Variants in SPTA1 observed in about 807,000 individuals in gnomAD.
SPTA1 encodes spectrin alpha, erythrocytic 1.
In SPTA1, 177 loss-of-function variants were observed where a neutral mutation model predicts 324.7. The ratio of observed to expected loss-of-function variants is 0.55; its 90% CI spans 0.48 to 0.62. The LOEUF is 0.62. Among genes scored for constraint, SPTA1 ranks in the 20% least tolerant of loss-of-function variants. SPTA1 has a pLI of 0.00. For missense variants in SPTA1, 3,162 were observed against 2,883.6 expected (o/e 1.10, Z -2.21); for synonymous variants, 1,195 against 1,041.3 (o/e 1.15, Z -2.84).
Position 158,644,370 on chromosome 1 carries a change from A to T in SPTA1, c.4221T>A (p.Val1407=). The stretch of plus-strand genomic sequence containing the variant: ...TCTCACGTGCCACCATCCAGCTCTC[A>T]ACTTGATCACAGTTCCCCTGGAACA... ...LQMFQGNCDQ[V]ESWMVARENS... is the part of the protein sequence containing the mutation. Residue 1407 remains valine (V), a synonymous_variant, in exon 30 of 52, where the codon GTT becomes GTA. Coordinates refer to ENST00000643759, the MANE Select transcript of SPTA1 (RefSeq NM_003126.4). 6.2e-7 allele frequency: 1 copy of T among 1,613,764 alleles called. No homozygotes were observed.
At chr1:158,680,874 A>T (rs889604637) in intron 4 of SPTA1, 145 bp from the exon 5 acceptor site, 5 of 1,063,638 alleles carry the variant, frequency 4.7e-6, no homozygotes, top group South Asian at 1.4e-5. Flanking sequence ...GGAAAAGGCC[A>T]GCAGCAGAAG....
rs533909383 is a variant in SPTA1 at position 158,623,144 on chromosome 1, C to T, written c.5959G>A (p.Glu1987Lys). 33 of 1,614,056 alleles carry T rather than the reference C, an allele frequency of 2.0e-5. No individual in the cohort carries two copies. The South Asian group carries it at 2.9e-4, about 14-fold the overall frequency. Residue 1987 changes from glutamate (E) to lysine (K), a missense_variant, in exon 43 of 52, where the codon GAG (glutamate) becomes AAG (lysine). By Grantham distance (56) the Glu-to-Lys change is moderately conservative. Transcript: ENST00000643759. The part of the protein sequence containing the change: ...LQSFQQERLP[E>K]ITDLKDKLIS... ...AGTTTGTCCTTCAGGTCAGTGATCT[C>T]GGGAAGTCTCTCTTGCTGGAAACTC...
At position 158,679,386 on chromosome 1, in the gene SPTA1, T is replaced by C. The variant is rs914945868; in HGVS notation, c.679-852A>G. Among the ~76,000 whole-genome samples the C allele has an allele frequency of 4.6e-5, 7 of 152,186 alleles. No individual in the cohort carries two copies. In the South Asian group the frequency reaches 6.2e-4, roughly 14 times the overall value. ...CCTTCAAAAGGTAGAGTATGTTTCC[T>C]CAAGTCTTGGATCTTGGATGGTCTT... On this transcript the variant is annotated intron_variant, in intron 5 of 51. Coordinates refer to ENST00000643759, the MANE Select transcript of SPTA1 (RefSeq NM_003126.4).
intron 16 of SPTA1, among the ~76,000 whole-genome samples, chr1:158,664,519 G>T (rs1185173625): frequency 2.0e-5 from 3 of 151,972 alleles, no homozygotes; most frequent in Non-Finnish European, 2.9e-5. Flanking sequence ...CACACACCGG[G>T]GCCTGTCGAG....
Position 158,651,412 on chromosome 1 carries a change from T to C in SPTA1, c.3432A>G (p.Leu1144=). The change falls in exon 24 of 52, where the codon CTA becomes CTG. Residue 1144 remains leucine (L), a synonymous_variant. Transcript: ENST00000643759. ...CTGGTGTTAGAAGTCCTTCAAATAG[T>C]AGATCATCAGCTACCTTGTTGATAT... ...LRDINKVADD[L]LFEGLLTPEG... 1.9e-6 allele frequency: 3 copies of C among 1,614,020 alleles called. No individual in the cohort carries two copies. The highest frequency in any genetic ancestry group is 1.3e-5 in the African/African-American group (1 of 75,036).
In SPTA1 at chr1:158,643,433, A is replaced by G. The variant is rs1571432049; in HGVS notation, c.4339-8T>C. ...GTCAGTGATCTTCCCTTCCTAAATA[A>G]AGGAAAAGGAAAGAGCCCAGATGCT... On this transcript the variant is annotated splice_polypyrimidine_tract_variant and splice_region_variant and intron_variant, in intron 30 of 51. Coordinates refer to ENST00000643759, the MANE Select transcript of SPTA1 (RefSeq NM_003126.4). 5 of 1,612,444 alleles carry G rather than the reference A, an allele frequency of 3.1e-6. No homozygotes were observed. The South Asian group carries it at 5.5e-5, about 18-fold the overall frequency.
Position 158,662,801 on chromosome 1 carries a change from G to A in SPTA1, c.2365C>T (p.Leu789Phe), listed in dbSNP as rs779283627. The change falls in exon 17 of 52, where the codon CTC (leucine) becomes TTC (phenylalanine). Residue 789 changes from leucine (L) to phenylalanine (F), a missense_variant. By Grantham distance (22) the Leu-to-Phe change is conservative. Transcript: ENST00000643759. ...KEPLATRKKKLLDLLHLQLIC... is the reference protein window; with the variant it reads ...KEPLATRKKKFLDLLHLQLIC... ...AGCTGCAGATGGAGAAGGTCTAAGA[G>A]CTTCTTCTTTCGGGTGGCCAGTGGC... The A allele has an allele frequency of 2.5e-6, 4 of 1,614,054 alleles. No homozygotes were observed. Among genetic ancestry groups the A allele is most frequent in the South Asian group, 2.2e-5 (2 of 91,080 alleles).
chr1:158,666,552 A>G (rs925550656), intron 15 of SPTA1, 55 bp from the exon 16 acceptor site: 169 of 1,432,960 alleles, frequency 1.2e-4, no homozygotes, highest in Non-Finnish European at 1.5e-4. Flanking sequence ...TCCTCTTTAC[A>G]CTATAATATA....
intron 45 of SPTA1, 140 bp downstream of exon 45, chr1:158,619,081 TA>T: frequency 1.2e-6 from 1 of 833,028 alleles, no homozygotes; most frequent in Non-Finnish European, 2.1e-6. Context: ...ACTCCAAATA[TA>T]AAGCATAGGC....
chr1:158,633,810 G>C (rs1400145889), intron 39 of SPTA1, among the ~76,000 whole-genome samples: 1 of 152,144 alleles, frequency 6.6e-6, no homozygotes, highest in Non-Finnish European at 1.5e-5. Context: ...CAAATAAGAT[G>C]AGCTGATAAT....
At chr1:158,662,563 A>T in intron 17 of SPTA1, 139 bp downstream of exon 17, 3 of 1,129,758 alleles carry the variant, frequency 2.7e-6, no homozygotes, top group Non-Finnish European at 3.8e-6. Context: ...TTTATGAAGG[A>T]CTGGACAAAT....
In SPTA1 at chr1:158,671,391, C is replaced by T; in HGVS notation, c.1551G>A (p.Lys517=). 1 of 1,613,546 alleles carries T rather than the reference C, an allele frequency of 6.2e-7. No individual in the cohort carries two copies. The highest frequency in any genetic ancestry group is 1.1e-5 in the South Asian group (1 of 91,052). The stretch of plus-strand genomic sequence containing the variant: ...TAAAGGCTTCCTCAAAGTCTTCATG[C>T]TTCTGAAGAAGGGCTTCTGCACTGC... ...SLGSAEALLQ[K]HEDFEEAFTA... The change falls in exon 12 of 52, where the codon AAG becomes AAA. Residue 517 remains lysine, a synonymous_variant. Coordinates refer to ENST00000643759, the MANE Select transcript of SPTA1 (RefSeq NM_003126.4).
intron 16 of SPTA1, among the ~76,000 whole-genome samples, chr1:158,666,038 A>G (rs1653571510): frequency 6.6e-6 from 1 of 152,106 alleles, no homozygotes; most frequent in East Asian, 1.9e-4. Context: ...ACCCCTGGCT[A>G]GATTGGAGGA....
chr1:158,672,228 G>T, intron 10 of SPTA1, 32 bp from the exon 11 acceptor site: 1 of 1,582,620 alleles, frequency 6.3e-7, no homozygotes, highest in Non-Finnish European at 8.6e-7. Context: ...GTATATGGAA[G>T]ATAATTAATT....
intron 1 of SPTA1, 141 bp downstream of exon 1, chr1:158,686,353 T>C: frequency 1.5e-6 from 1 of 646,666 alleles, no homozygotes; most frequent in Non-Finnish European, 2.7e-6. Flanking sequence ...TCACAAAAAA[T>C]AGTTAAAAGT....
chr1:158,613,376 A>G (rs188812306), intron 50 of SPTA1, among the ~76,000 whole-genome samples: 1 of 150,912 alleles, frequency 6.6e-6, no homozygotes, highest in Non-Finnish European at 1.5e-5. Context: ...AACCACCCCA[A>G]CCCCATGTGT....
At chr1:158,638,534 C>T (rs544684570) in intron 35 of SPTA1, among the ~76,000 whole-genome samples, 6 of 152,070 alleles carry the variant, frequency 3.9e-5, no homozygotes, top group African/African-American at 9.6e-5. Context: ...AAAAAGAAAA[C>T]CAGCAAGGTG....
At chr1:158,635,648 A>G (rs1344410454) in intron 38 of SPTA1, among the ~76,000 whole-genome samples, 1 of 152,254 alleles carries the variant, frequency 6.6e-6, no homozygotes, top group Non-Finnish European at 1.5e-5. Flanking sequence ...TATGAAGGAT[A>G]ACACATGTAG....
chr1:158,619,421 T>A (rs1396634325), intron 44 of SPTA1, 87 bp from the exon 45 acceptor site: 19 of 1,274,734 alleles, frequency 1.5e-5, no homozygotes, highest in Non-Finnish European at 2.1e-5. Context: ...TAACTGCATA[T>A]CTTTCCTCTC....
Sources: gnomAD v4.1 joint callset for allele counts (sites outside exome capture counted in the v4.1 genomes callset) on GRCh38, gnomAD v4.1.1 for gene constraint, MANE v1.5 for transcripts, NCBI Gene and HGNC (gene_info 2026-07-23, HGNC 2026-07-21) for gene names.